The following PRKAG2 variants were observed in gnomAD, a reference collection of about 807,000 sequenced individuals.
PRKAG2 encodes 5'-AMP-activated protein kinase subunit gamma-2.
In PRKAG2, 26 loss-of-function variants were observed where a neutral mutation model predicts 69.6. That is an observed-to-expected ratio of 0.37 (90% confidence interval 0.27 to 0.52). The LOEUF is 0.52. Ranked by LOEUF, PRKAG2 falls within the 20% of genes least tolerant of loss-of-function variation. The probability of loss-of-function intolerance (pLI) is 0.90; values close to 1 mark genes in which losing one functional copy is unlikely to be tolerated. For synonymous variants in PRKAG2, 293 were observed against 285.0 expected, an observed-to-expected ratio of 1.03 and a Z score of -0.28; for missense variants, 557 against 740.0, an observed-to-expected ratio of 0.75 and a Z score of 2.87.
intron 3 of PRKAG2, among the ~76,000 whole-genome samples, chr7:151,749,700 C>A: frequency 7.1e-6 from 1 of 141,448 alleles, no homozygotes; most frequent in African/African-American, 2.6e-5. Flanking sequence ...CCAAAAGGTA[C>A]AAGAAAAGAT....
intron 6 of PRKAG2, among the ~76,000 whole-genome samples, chr7:151,582,467 T>C (rs1810709706): frequency 6.6e-6 from 1 of 152,106 alleles, no homozygotes; most frequent in Non-Finnish European, 1.5e-5. Context: ...GCAAGGTTTA[T>C]AGAGAGAAAA....
chr7:151,722,383 A>C (rs1797251452), intron 3 of PRKAG2, among the ~76,000 whole-genome samples: 1 of 152,094 alleles, frequency 6.6e-6, no homozygotes, highest in South Asian at 2.1e-4. Flanking sequence ...AAACATTAGG[A>C]TGGGTGAAAG....
At chr7:151,709,371 A>G (rs986657385) in intron 3 of PRKAG2, among the ~76,000 whole-genome samples, 3 of 152,124 alleles carry the variant, frequency 2.0e-5, no homozygotes, top group African/African-American at 7.2e-5. Flanking sequence ...ACATTGATGT[A>G]TACTATATGA....
rs369521734 is a variant in PRKAG2, at chr7:151,814,130, A to G, written c.115-27589T>C. On this transcript the variant is annotated intron_variant, in intron 1 of 15. Coordinates refer to ENST00000287878, the MANE Select transcript of PRKAG2 (RefSeq NM_016203.4). The surrounding 1 kb of genome is among the most constrained non-coding windows in gnomAD (Gnocchi z 4.8). Reference sequence around the variant, plus strand: ...GGAGGAGAGACAGACTCAGAGAGGAATGGAGCTGAACACGCCCACACACAT... The same window carrying G: ...GGAGGAGAGACAGACTCAGAGAGGAGTGGAGCTGAACACGCCCACACACAT... Among the ~76,000 whole-genome samples, 14 of 152,178 alleles carry G rather than the reference A, an allele frequency of 9.2e-5. No individual in the cohort carries two copies. The highest frequency in any genetic ancestry group is 3.4e-4 in the African/African-American group (14 of 41,442).
At chr7:151,764,584 C>T (rs2075629091) in intron 3 of PRKAG2, among the ~76,000 whole-genome samples, 1 of 152,216 alleles carries the variant, frequency 6.6e-6, no homozygotes, top group African/African-American at 2.4e-5. Context: ...AGAGGCATCC[C>T]AGGACTGCGA....
chr7:151,619,604 A>G (rs1216887559), intron 5 of PRKAG2, among the ~76,000 whole-genome samples: 1 of 152,218 alleles, frequency 6.6e-6, no homozygotes, highest in African/African-American at 2.4e-5. Flanking sequence ...AAAATTGTAT[A>G]AAATAACTTC....
rs779390888 is a variant in PRKAG2 at position 151,583,342 on chromosome 7, C to T, written c.865-6890G>A. ...CATCCACATACACTGTTGACCTGTC[C>T]GCAGGTCACTGAGGAAGTCTCAATT... On this transcript the variant is annotated intron_variant, in intron 6 of 15. Coordinates refer to ENST00000287878, the MANE Select transcript of PRKAG2 (RefSeq NM_016203.4). This position sits in a 1 kb window ranked among gnomAD's most constrained non-coding sequence, Gnocchi z 4.1. Among the ~76,000 whole-genome samples, 6 of 152,092 alleles carry T rather than the reference C, an allele frequency of 3.9e-5. No individual in the cohort carries two copies. Among genetic ancestry groups the T allele is most frequent in the South Asian group, 4.1e-4 (2 of 4,828 alleles).
At chr7:151,747,514 G>A (rs1468372195) in intron 3 of PRKAG2, among the ~76,000 whole-genome samples, 5 of 152,052 alleles carry the variant, frequency 3.3e-5, no homozygotes, top group Non-Finnish European at 7.4e-5. Flanking sequence ...CCGAGATTGC[G>A]CCACTGCACT....
intron 5 of PRKAG2, among the ~76,000 whole-genome samples, chr7:151,597,954 C>A (rs544941657): frequency 6.6e-6 from 1 of 151,992 alleles, no homozygotes; most frequent in African/African-American, 2.4e-5. Context: ...AATCCCACTA[C>A]CGGGTATATA....
rs1487240401 is a variant in PRKAG2, at chr7:151,614,873, C to A, written c.754+17196G>T. ...CAGTCTCCTCACCTTTACACTGGAA[C>A]AAAAGAGCCTCAAAGGGGCCATGTG... On this transcript the variant is annotated intron_variant, in intron 5 of 15. Coordinates refer to ENST00000287878, the MANE Select transcript of PRKAG2 (RefSeq NM_016203.4). This position sits in a 1 kb window ranked among gnomAD's most constrained non-coding sequence, Gnocchi z 4.4. 6.6e-6 allele frequency among the ~76,000 whole-genome samples: 1 copy of A among 152,204 alleles called. No individual in the cohort carries two copies. The highest frequency in any genetic ancestry group is 6.5e-5 in the Admixed American group (1 of 15,286).
intron 1 of PRKAG2, among the ~76,000 whole-genome samples, chr7:151,875,696 G>A (rs578141092): frequency 6.6e-6 from 1 of 151,316 alleles, no homozygotes; most frequent in Non-Finnish European, 1.5e-5. Flanking sequence ...CCGCTACGTG[G>A]AGGCGAGGAA....
At chr7:151,629,393 G>C (rs1282813156) in intron 5 of PRKAG2, among the ~76,000 whole-genome samples, 2 of 152,144 alleles carry the variant, frequency 1.3e-5, no homozygotes, top group Admixed American at 6.5e-5. Flanking sequence ...AGAGAGGGAG[G>C]GGCACTGAGC....
intron 3 of PRKAG2, among the ~76,000 whole-genome samples, chr7:151,687,774 C>T (rs536249998): frequency 9.8e-5 from 15 of 152,302 alleles, no homozygotes; most frequent in East Asian, 1.9e-4. Context: ...AGGTTTCTGA[C>T]GGTGACCTCA....
At chr7:151,561,623 G>A (rs1441927974) in intron 14 of PRKAG2, among the ~76,000 whole-genome samples, 2 of 152,182 alleles carry the variant, frequency 1.3e-5, no homozygotes, top group Non-Finnish European at 2.9e-5. Context: ...AGGGAGCGGC[G>A]TTGCTATTCT....
intron 3 of PRKAG2, among the ~76,000 whole-genome samples, chr7:151,738,958 C>T (rs1586193124): frequency 6.6e-6 from 1 of 152,146 alleles, no homozygotes; most frequent in Non-Finnish European, 1.5e-5. Flanking sequence ...GGAAGTCTTC[C>T]ATTCTATCCC....
chr7:151,823,428 G>C (rs1231751992), intron 1 of PRKAG2, among the ~76,000 whole-genome samples: 1 of 150,198 alleles, frequency 6.7e-6, no homozygotes, highest in African/African-American at 2.4e-5. Context: ...ACCTTATTTG[G>C]AAATAGGGGC....
At chr7:151,710,591 T>C (rs1795133954) in intron 3 of PRKAG2, among the ~76,000 whole-genome samples, 1 of 152,208 alleles carries the variant, frequency 6.6e-6, no homozygotes. Flanking sequence ...TCCCTGCTCT[T>C]GCATCTCTCC....
chr7:151,624,062 T>C (rs1334374537), intron 5 of PRKAG2, among the ~76,000 whole-genome samples: 3 of 152,036 alleles, frequency 2.0e-5, no homozygotes, highest in Non-Finnish European at 4.4e-5. Context: ...TCAGTTAGCA[T>C]GATGTTCAGA....
chr7:151,781,541 T>G lies in PRKAG2; in HGVS notation c.187-110A>C. On this transcript the variant is annotated intron_variant, in intron 2 of 15. Transcript: ENST00000287878. This position sits in a 1 kb window ranked among gnomAD's most constrained non-coding sequence, Gnocchi z 6.1. Reference sequence around the variant, plus strand: ...TCTCTCACATGCGGGCCCCCCATAGTACCCTCCCAGAGAAACAGCCCTAAG... The same window carrying G: ...TCTCTCACATGCGGGCCCCCCATAGGACCCTCCCAGAGAAACAGCCCTAAG... 1.5e-6 allele frequency: 2 copies of G among 1,328,938 alleles called. No individual in the cohort carries two copies. Among genetic ancestry groups the G allele is most frequent in the Non-Finnish European group, 2.1e-6 (2 of 962,300 alleles). The allele number at this position is 1,328,938 out of a possible 1,614,324, so 82.3% of individuals were successfully genotyped here.
Sources: allele counts gnomAD v4.1 joint callset (sites outside exome capture counted in the v4.1 genomes callset), GRCh38; gene constraint gnomAD v4.1.1; non-coding constraint Gnocchi (gnomAD v3.1); transcripts MANE v1.5; gene names NCBI Gene and HGNC (gene_info 2026-07-23, HGNC 2026-07-21).